AASS: variants seen among roughly 807,000 people sequenced by gnomAD.
The protein encoded by AASS is aminoadipate-semialdehyde synthase, also known as alpha-aminoadipic semialdehyde synthase, mitochondrial.
A neutral mutation model predicts 105.4 loss-of-function variants in AASS; 86 were observed. The ratio of observed to expected loss-of-function variants is 0.82; its 90% CI spans 0.69 to 0.98. The LOEUF (loss-of-function observed/expected upper bound fraction) is 0.98, where lower values mean the gene tolerates loss of function less well. Among genes scored for constraint, AASS ranks in the 50% least tolerant of loss-of-function variants. AASS has a pLI of 0.00. For synonymous variants in AASS, 381 were observed against 394.8 expected (o/e 0.96, Z 0.41); for missense variants, 1,048 against 1,143.2 (o/e 0.92, Z 1.20).
chr7:122,091,993 G>A (rs1793925547), intron 17 of AASS, 150 bp from the exon 18 acceptor site: 1 of 605,754 alleles, frequency 1.7e-6, no homozygotes, highest in Admixed American at 2.9e-5. Flanking sequence ...CATCTTCAAA[G>A]CATGTACCAT....
intron 9 of AASS, 146 bp downstream of exon 9, chr7:122,114,928 C>T (rs529924347): frequency 1.1e-4 from 105 of 979,530 alleles, no homozygotes; most frequent in Admixed American, 2.2e-4. Context: ...AGATGGTTAA[C>T]AGTGTTGAGT....
intron 11 of AASS, among the ~76,000 whole-genome samples, chr7:122,105,899 A>G (rs1794644985): frequency 6.6e-6 from 1 of 152,100 alleles, no homozygotes; most frequent in South Asian, 2.1e-4. Flanking sequence ...TAAACAAAAT[A>G]GAGACTTAAA....
At chr7:122,131,875 A>G (rs910835949) in intron 2 of AASS, among the ~76,000 whole-genome samples, 3 of 152,188 alleles carry the variant, frequency 2.0e-5, no homozygotes, top group Non-Finnish European at 4.4e-5. Flanking sequence ...AAATGGATTC[A>G]CATCCAAAGG....
chr7:122,116,870 G>C lies in AASS; in HGVS notation c.766+9C>G. On this transcript the variant is annotated intron_variant, in intron 7 of 23. Coordinates refer to ENST00000417368, the MANE Select transcript of AASS (RefSeq NM_005763.4). ...AAACATTAAAAGTTAGTCATCTCCTGTCCCTTACCTCCAGTTTGGGAAACT... is the reference window on the plus strand; with the variant it reads ...AAACATTAAAAGTTAGTCATCTCCTCTCCCTTACCTCCAGTTTGGGAAACT... 1 of 1,613,374 alleles carries C rather than the reference G, an allele frequency of 6.2e-7. No individual in the cohort carries two copies. Among genetic ancestry groups the C allele is most frequent in the Non-Finnish European group, 8.5e-7 (1 of 1,179,404 alleles).
At chr7:122,099,817 T>C (rs1429523447) in intron 13 of AASS, among the ~76,000 whole-genome samples, 2 of 151,902 alleles carry the variant, frequency 1.3e-5, no homozygotes, top group East Asian at 3.9e-4. Flanking sequence ...TGTCCTTCTG[T>C]ATCCCAACAC....
rs894250789 is a variant in AASS at position 122,079,616 on chromosome 7, G to A, written c.2377C>T (p.Gln793Ter). ...GCCTACCATTCAGCAGCCTCCAACT[G>A]GGTATTGTCTCCTCCTAGTTTCTTA... Reference protein sequence around the residue: ...VLKKLGGDNTQLEAAEWLGLL... With the variant: ...VLKKLGGDNT Residue 793 changes from glutamine to a stop codon, truncating the protein, a stop_gained, in exon 21 of 24, where the codon CAG (glutamine) becomes TAG (stop). Transcript: ENST00000417368. LOFTEE classifies it high-confidence loss of function. 1 of 1,613,306 alleles carries A rather than the reference G, an allele frequency of 6.2e-7. No individual in the cohort carries two copies. Among genetic ancestry groups the A allele is most frequent in the African/African-American group, 1.3e-5 (1 of 75,014 alleles).
At chr7:122,117,875 C>T (rs746033597) in intron 6 of AASS, among the ~76,000 whole-genome samples, 9 of 152,036 alleles carry the variant, frequency 5.9e-5, no homozygotes, top group African/African-American at 1.2e-4. Context: ...AGGTTGGCCT[C>T]GAACTCCTGA....
At chr7:122,077,811 G>T in intron 23 of AASS, 27 bp downstream of exon 23, 13 of 1,614,018 alleles carry the variant, frequency 8.1e-6, no homozygotes, top group Non-Finnish European at 1.1e-5. Flanking sequence ...ACAGAAACAG[G>T]CTTACACCTC....
At chr7:122,091,606 A>C in intron 18 of AASS, 97 bp downstream of exon 18, 1 of 1,557,598 alleles carries the variant, frequency 6.4e-7, no homozygotes, top group East Asian at 2.3e-5. Context: ...GACAGGCAGC[A>C]TCACCATTAT....
At position 122,116,733 on chromosome 7, in the gene AASS, A is replaced by G; in HGVS notation, c.794T>C (p.Leu265Ser). 6.2e-7 allele frequency: 1 copy of G among 1,614,148 alleles called. No individual in the cohort carries two copies. The highest frequency in any genetic ancestry group is 8.5e-7 in the Non-Finnish European group (1 of 1,179,998). The change falls in exon 8 of 24, where the codon TTA becomes TCA. Residue 265 changes from leucine to serine, a missense_variant. Coordinates refer to ENST00000417368, the MANE Select transcript of AASS (RefSeq NM_005763.4). ...GDLRKVYGTV[L>S]SRHHHLVRKT... Reference sequence around the variant, plus strand: ...CCTGACAAGATGATGATGACGACTTAACACCGTCCCATACACTTTTCTGAG... The same window carrying G: ...CCTGACAAGATGATGATGACGACTTGACACCGTCCCATACACTTTTCTGAG...
chr7:122,124,763 C>T (rs903525370), intron 4 of AASS, among the ~76,000 whole-genome samples: 1 of 152,032 alleles, frequency 6.6e-6, no homozygotes, highest in African/African-American at 2.4e-5. Context: ...AAATAAAACC[C>T]TCATCTGGAT....
At chr7:122,091,561 A>G (rs1231463934) in intron 18 of AASS, 142 bp downstream of exon 18, 2 of 1,322,516 alleles carry the variant, frequency 1.5e-6, no homozygotes, top group Non-Finnish European at 2.1e-6. Flanking sequence ...AACAGAAAAT[A>G]TACACTGGGA....
At chr7:122,091,450 A>G (rs1418522061) in intron 18 of AASS, among the ~76,000 whole-genome samples, 1 of 152,192 alleles carries the variant, frequency 6.6e-6, no homozygotes, top group East Asian at 1.9e-4. Context: ...ACATATATAG[A>G]GAAGTGAATT....
chr7:122,090,766 G>T (rs1793858376), intron 18 of AASS, among the ~76,000 whole-genome samples: 1 of 152,120 alleles, frequency 6.6e-6, no homozygotes, highest in Non-Finnish European at 1.5e-5. Flanking sequence ...TACTGGCTCT[G>T]TCACTTGCCA....
At position 122,077,881 on chromosome 7, in the gene AASS, G is replaced by A. The variant is rs943946020; in HGVS notation, c.2619C>T (p.Thr873=). The change falls in exon 23 of 24, where the codon ACC becomes ACT. Residue 873 remains threonine, a synonymous_variant. Transcript: ENST00000417368. ...DINGFSAMAK[T]VGLPTAMAAK... is the part of the protein sequence containing the mutation. ...CTGCCATGGCGGTGGGTAACCCCACGGTTTTAGCCATGGCTGAAAAGCCAT... is the reference window on the plus strand; with the variant it reads ...CTGCCATGGCGGTGGGTAACCCCACAGTTTTAGCCATGGCTGAAAAGCCAT... The A allele has an allele frequency of 5.0e-6, 8 of 1,614,150 alleles. No individual in the cohort carries two copies. Among genetic ancestry groups the A allele is most frequent in the Middle Eastern group, 1.6e-4 (1 of 6,062 alleles).
In AASS at chr7:122,115,167, G is replaced by C; in HGVS notation, c.950C>G (p.Pro317Arg). ...INGIYWEQNT[P>R]RLLTRQDAQS... ...AGCATCTTGGCGGGTTAGGAGGCGA[G>C]GAGTGTTTTGTTCCCAGTAGATTCC... is the stretch of plus-strand genomic sequence containing the variant. Residue 317 changes from proline to arginine, a missense_variant, in exon 9 of 24, where the codon CCT becomes CGT. Pro to Arg is a moderately radical substitution (Grantham distance 103). Coordinates refer to ENST00000417368, the MANE Select transcript of AASS (RefSeq NM_005763.4). 6.2e-7 allele frequency: 1 copy of C among 1,614,166 alleles called. No homozygotes were observed. The highest frequency in any genetic ancestry group is 8.5e-7 in the Non-Finnish European group (1 of 1,180,020).
At chr7:122,100,588 G>A (rs1487611465) in intron 13 of AASS, among the ~76,000 whole-genome samples, 1 of 151,728 alleles carries the variant, frequency 6.6e-6, no homozygotes, top group Admixed American at 6.6e-5. Flanking sequence ...TAAAACAGTT[G>A]TGTTATTTTT....
intron 3 of AASS, among the ~76,000 whole-genome samples, chr7:122,127,010 C>T (rs1795685259): frequency 1.3e-5 from 2 of 152,100 alleles, no homozygotes; most frequent in African/African-American, 4.8e-5. Context: ...TGGGAAATAA[C>T]ACTCTCTCTC....
At chr7:122,095,804 G>A (rs1196484455) in intron 15 of AASS, among the ~76,000 whole-genome samples, 2 of 151,970 alleles carry the variant, frequency 1.3e-5, no homozygotes, top group African/African-American at 2.4e-5. Flanking sequence ...CAAAATACTC[G>A]CAAAACTATT....
Sources: allele counts gnomAD v4.1 joint callset (sites outside exome capture counted in the v4.1 genomes callset), GRCh38; gene constraint gnomAD v4.1.1; transcripts MANE v1.5; gene names NCBI Gene and HGNC (gene_info 2026-07-23, HGNC 2026-07-21).